Variants in MPP3 observed in about 807,000 individuals in gnomAD.
MPP3 encodes the protein MAGUK p55 subfamily member 3.
A neutral mutation model predicts 80.7 loss-of-function variants in MPP3; 48 were observed. The observed-to-expected ratio is 0.59, with a 90% CI of 0.47 to 0.76. MPP3 has a LOEUF of 0.76. Ranked by LOEUF, MPP3 falls within the 30% of genes least tolerant of loss-of-function variation. MPP3 has a pLI of 0.00. For missense variants in MPP3, 620 were observed against 763.0 expected (o/e 0.81, Z 2.21); for synonymous variants, 311 against 297.6 (o/e 1.04, Z -0.46).
intron 13 of MPP3, 84 bp from the exon 14 acceptor site, chr17:43,816,163 C>T: frequency 8.3e-7 from 1 of 1,204,394 alleles, no homozygotes; most frequent in African/African-American, 1.6e-5. Flanking sequence ...GATGGCCAGG[C>T]AGGAAGAGCC....
intron 19 of MPP3, among the ~76,000 whole-genome samples, chr17:43,802,560 A>G (rs1160542324): frequency 6.6e-6 from 1 of 152,238 alleles, no homozygotes; most frequent in Admixed American, 6.5e-5. Flanking sequence ...ATTAAGGTAT[A>G]GGCAACAACT....
At chr17:43,831,748 G>A in intron 3 of MPP3, 71 bp from the exon 4 acceptor site, 1 of 1,449,124 alleles carries the variant, frequency 6.9e-7, no homozygotes, top group Non-Finnish European at 9.5e-7. Context: ...GAGCCCGAGT[G>A]GGGCCTCAAA....
chr17:43,831,094 A>C (rs913543249), intron 5 of MPP3, 150 bp downstream of exon 5: 60 of 699,692 alleles, frequency 8.6e-5, no homozygotes, highest in Non-Finnish European at 1.1e-4. Flanking sequence ...AGAGAGAGGA[A>C]GAGAAGGAGG....
At chr17:43,810,102 T>A (rs1050057147) in intron 18 of MPP3, among the ~76,000 whole-genome samples, 1 of 152,224 alleles carries the variant, frequency 6.6e-6, no homozygotes, top group Admixed American at 6.5e-5. Context: ...TTTATAGGCA[T>A]AACGTGCTTT....
At chr17:43,813,542 G>C (rs2044965885) in intron 16 of MPP3, among the ~76,000 whole-genome samples, 3 of 152,090 alleles carry the variant, frequency 2.0e-5, no homozygotes, top group Admixed American at 1.3e-4. Context: ...CATCACCCAG[G>C]AATGTACCCA....
chr17:43,814,825 G>A (rs2045036900), intron 14 of MPP3, among the ~76,000 whole-genome samples: 1 of 152,114 alleles, frequency 6.6e-6, no homozygotes, highest in African/African-American at 2.4e-5. Context: ...GAAAGTCCTT[G>A]GCCTTAGGAA....
intron 19 of MPP3, among the ~76,000 whole-genome samples, chr17:43,807,320 T>G (rs2044662248): frequency 6.6e-6 from 1 of 151,776 alleles, no homozygotes; most frequent in African/African-American, 2.4e-5. Flanking sequence ...TTCTACATTT[T>G]TTTTTTTTTG....
intron 19 of MPP3, among the ~76,000 whole-genome samples, chr17:43,804,867 A>C (rs978938703): frequency 1.3e-5 from 2 of 152,188 alleles, no homozygotes; most frequent in Admixed American, 6.5e-5. Context: ...AATACGAAGG[A>C]AATTAGCCGA....
At chr17:43,806,768 C>T (rs1198059701) in intron 19 of MPP3, among the ~76,000 whole-genome samples, 1 of 151,990 alleles carries the variant, frequency 6.6e-6, no homozygotes, top group African/African-American at 2.4e-5. Flanking sequence ...GCCACCACAC[C>T]CAGCTAATTT....
chr17:43,832,744 C>T lies in MPP3; in HGVS notation c.-38+17G>A, dbSNP rs9896686. ...GCCTCCGCCCCGCCCCGCCCCGCCA[C>T]GCCACGCCGGACTCACCCTCGGGCT... On this transcript the variant is annotated intron_variant, in intron 2 of 19. Transcript: ENST00000398389. 641 of 152,736 alleles carry T rather than the reference C, an allele frequency of 4.2e-3. 5 individuals carry two copies. The highest frequency in any genetic ancestry group is 0.013 in the African/African-American group (550 of 41,548). The allele number at this position is 152,736 out of a possible 1,614,324, so 9.5% of individuals were successfully genotyped here.
chr17:43,831,819 A>AGGCT (rs1382977109), intron 3 of MPP3, 63 bp downstream of exon 3: 16 of 1,510,484 alleles, frequency 1.1e-5, no homozygotes, highest in Non-Finnish European at 9.0e-6. Flanking sequence ...CAGGGCCTGG[A>AGGCT]GGCTGCCAGG....
intron 11 of MPP3, 78 bp downstream of exon 11, chr17:43,820,784 C>T: frequency 7.2e-7 from 1 of 1,388,804 alleles, no homozygotes; most frequent in East Asian, 2.3e-5. Flanking sequence ...GCTGTGAGGG[C>T]AGAGACTTGG....
intron 9 of MPP3, chr17:43,825,534 G>A (rs752350433): frequency 9.0e-5 from 45 of 499,480 alleles, no homozygotes; most frequent in Admixed American, 6.1e-4. Context: ...AGGCTGTGCT[G>A]AGGAGAAGGT....
intron 2 of MPP3, 158 bp from the exon 3 acceptor site, chr17:43,832,101 A>T: frequency 4.6e-6 from 3 of 645,264 alleles, no homozygotes; most frequent in South Asian, 3.6e-5. Flanking sequence ...AAGGAAATAA[A>T]GCTAAGATGT....
chr17:43,817,876 A>C, intron 12 of MPP3, 170 bp downstream of exon 12: 3 of 370,028 alleles, frequency 8.1e-6, no homozygotes, highest in Non-Finnish European at 1.5e-5. Context: ...TCCAGGGACT[A>C]GCTGCCCCCC....
chr17:43,818,474 G>A (rs2045264570), intron 11 of MPP3, among the ~76,000 whole-genome samples: 1 of 152,138 alleles, frequency 6.6e-6, no homozygotes, highest in African/African-American at 2.4e-5. Flanking sequence ...TGAGGGAGCT[G>A]AGAAATAGCA....
chr17:43,829,637 C>T lies in MPP3; in HGVS notation c.441+17G>A. On this transcript the variant is annotated intron_variant, in intron 7 of 19. Transcript: ENST00000398389. ...AGGGGAAGAGTGGGTTAGAGAGGGG[C>T]AGGCAGCAGCACCTACCAGGGGTTC... The T allele has an allele frequency of 6.2e-7, 1 of 1,612,238 alleles. No individual in the cohort carries two copies.
intron 16 of MPP3, among the ~76,000 whole-genome samples, chr17:43,812,064 C>T (rs2044888091): frequency 6.6e-6 from 1 of 152,230 alleles, no homozygotes; most frequent in African/African-American, 2.4e-5. Context: ...GACAGGAAGA[C>T]AGACCGTCCC....
intron 13 of MPP3, 110 bp downstream of exon 13, chr17:43,816,567 T>A: frequency 1.0e-6 from 1 of 1,001,686 alleles, no homozygotes; most frequent in East Asian, 2.6e-5. Context: ...GCGCAGACAG[T>A]GGGAGGGGCA....
Sources: allele counts gnomAD v4.1 joint callset (sites outside exome capture counted in the v4.1 genomes callset), GRCh38; gene constraint gnomAD v4.1.1; transcripts MANE v1.5; gene names NCBI Gene and HGNC (gene_info 2026-07-23, HGNC 2026-07-21).